Variants in EVC2 observed in about 807,000 individuals in gnomAD.
EVC2 encodes the protein limbin.
Under a neutral mutation model 149.3 loss-of-function variants are expected in EVC2, and 148 were observed. That is an observed-to-expected ratio of 0.99 (90% CI 0.87 to 1.14). EVC2 has a LOEUF of 1.14. Ranked by LOEUF, EVC2 falls within the 50% of genes most tolerant of loss-of-function variation. EVC2 has a pLI of 0.00. For missense variants in EVC2, 1,854 were observed against 1,627.3 expected (o/e 1.14, Z -2.40); for synonymous variants, 776 against 649.9 (o/e 1.19, Z -2.95).
At chr4:5,544,427 T>A (rs1373652721) in intron 21 of EVC2, among the ~76,000 whole-genome samples, 1 of 152,170 alleles carries the variant, frequency 6.6e-6, no homozygotes, top group Non-Finnish European at 1.5e-5. Flanking sequence ...CCCACACACA[T>A]GCACGCACAC....
intron 9 of EVC2, among the ~76,000 whole-genome samples, chr4:5,661,840 A>G (rs1279142796): frequency 6.6e-6 from 1 of 152,252 alleles, no homozygotes; most frequent in Non-Finnish European, 1.5e-5. Context: ...GCCCTTGGGC[A>G]AGTTACTTAA....
chr4:5,547,654 G>A (rs1475827931), intron 21 of EVC2, among the ~76,000 whole-genome samples: 1 of 152,190 alleles, frequency 6.6e-6, no homozygotes, highest in East Asian at 1.9e-4. Flanking sequence ...GGCCTCCTCT[G>A]AGCTACTGTG....
At chr4:5,606,626 C>T (rs1714410686) in intron 16 of EVC2, among the ~76,000 whole-genome samples, 1 of 152,006 alleles carries the variant, frequency 6.6e-6, no homozygotes, top group African/African-American at 2.4e-5. Flanking sequence ...TCTAAAATTA[C>T]CAAGCATGCA....
intron 9 of EVC2, among the ~76,000 whole-genome samples, chr4:5,654,583 C>T (rs1439998046): frequency 1.3e-5 from 2 of 152,182 alleles, no homozygotes; most frequent in Non-Finnish European, 2.9e-5. Flanking sequence ...GGCCAGCAGC[C>T]CAGGGGCATC....
At chr4:5,706,930 C>T (rs1560244409) in intron 1 of EVC2, among the ~76,000 whole-genome samples, 1 of 152,156 alleles carries the variant, frequency 6.6e-6, no homozygotes, top group Non-Finnish European at 1.5e-5. Context: ...GGCTTCAGGC[C>T]CTTCCCAGTA....
At chr4:5,619,664 C>T (rs956339724) in intron 14 of EVC2, among the ~76,000 whole-genome samples, 9 of 152,170 alleles carry the variant, frequency 5.9e-5, no homozygotes, top group African/African-American at 2.2e-4. Flanking sequence ...TACATCATTG[C>T]TGTTCCTTAC....
chr4:5,562,954 A>G lies in EVC2; in HGVS notation c.3821T>C (p.Ile1274Thr), dbSNP rs1459933769. 6.2e-7 allele frequency: 1 copy of G among 1,614,116 alleles called. No homozygotes were observed. ...CTCTGGCTCCTTTGGATTTCTGAATATAAAGAGCTTCTCTCCTGTGTTTAA... is the reference window on the plus strand; with the variant it reads ...CTCTGGCTCCTTTGGATTTCTGAATGTAAAGAGCTTCTCTCCTGTGTTTAA... ...DLLNTGEKLF[I>T]FRNPKEPEIS... is the part of the protein sequence containing the mutation. The change falls in exon 22 of 22, where the codon ATA becomes ACA. Residue 1274 changes from isoleucine to threonine, a missense_variant. By Grantham distance (89) the Ile-to-Thr change is moderately conservative. Transcript: ENST00000344408. The surrounding 1 kb of genome is among the most constrained non-coding windows in gnomAD (Gnocchi z 4.3).
At chr4:5,664,063 G>T (rs1719094257) in intron 8 of EVC2, among the ~76,000 whole-genome samples, 2 of 152,206 alleles carry the variant, frequency 1.3e-5, no homozygotes, top group African/African-American at 4.8e-5. Flanking sequence ...CATAGCTATA[G>T]CTAACCTTTA....
chr4:5,639,222 T>C (rs6812573), intron 10 of EVC2, among the ~76,000 whole-genome samples: 10,762 of 152,160 alleles, frequency 0.071, 1,017 homozygotes, highest in African/African-American at 0.22. Flanking sequence ...GGAAGCCGAG[T>C]TCAGAAGCTT....
chr4:5,530,873 T>C, the EVC2 span, among the ~76,000 whole-genome samples: 309 of 152,336 alleles, frequency 2.0e-3, 13 homozygotes, highest in East Asian at 0.051. Context: ...TAGTATCATC[T>C]AACAGGTGCT....
At chr4:5,536,201 A>G in the EVC2 span, among the ~76,000 whole-genome samples, 3 of 152,178 alleles carry the variant, frequency 2.0e-5, no homozygotes, top group African/African-American at 7.2e-5. Flanking sequence ...AAATATATTT[A>G]TAAGATACTA....
At position 5,708,158 on chromosome 4, in the gene EVC2, C is replaced by T. The variant is rs564630310; in HGVS notation, c.228+128G>A. On this transcript the variant is annotated intron_variant, in intron 1 of 21. Coordinates refer to ENST00000344408, the MANE Select transcript of EVC2 (RefSeq NM_147127.5). Reference sequence around the variant, plus strand: ...GGATACACCTAAGGGCCGCGAAGCACCCTATTCAGATCCTGCCCTCCCTTC... The same window carrying T: ...GGATACACCTAAGGGCCGCGAAGCATCCTATTCAGATCCTGCCCTCCCTTC... 2.7e-5 allele frequency: 22 copies of T among 816,386 alleles called. No homozygotes were observed. In the South Asian group the frequency reaches 3.7e-4, roughly 14 times the overall value. The allele number at this position is 816,386 out of a possible 1,614,324, so 50.6% of individuals were successfully genotyped here. A position where few individuals can be genotyped will look rare whatever the true frequency, so the allele number is the denominator to read the frequency against.
chr4:5,590,079 G>A (rs929501747), intron 16 of EVC2, among the ~76,000 whole-genome samples: 1 of 152,118 alleles, frequency 6.6e-6, no homozygotes, highest in African/African-American at 2.4e-5. Flanking sequence ...ATGACCAGAG[G>A]CACTGAGGCA....
chr4:5,548,034 C>T (rs1369792682), intron 21 of EVC2, among the ~76,000 whole-genome samples: 1 of 152,112 alleles, frequency 6.6e-6, no homozygotes. Context: ...CCCACGCCGG[C>T]ACCTGGAGCT....
At chr4:5,603,020 A>G (rs976562864) in intron 16 of EVC2, among the ~76,000 whole-genome samples, 1 of 152,180 alleles carries the variant, frequency 6.6e-6, no homozygotes, top group African/African-American at 2.4e-5. Context: ...GAATTATTTG[A>G]CTGTTTAAAA....
chr4:5,582,804 C>T (rs931758935), intron 17 of EVC2, among the ~76,000 whole-genome samples: 12 of 152,122 alleles, frequency 7.9e-5, no homozygotes, highest in African/African-American at 2.2e-4. Flanking sequence ...ACGATCCCTT[C>T]GGTGCTGTTC....
At chr4:5,583,115 TCA>T (rs1380338459) in intron 17 of EVC2, among the ~76,000 whole-genome samples, 8 of 138,396 alleles carry the variant, frequency 5.8e-5, no homozygotes, top group Non-Finnish European at 1.0e-4. Flanking sequence ...ACTAAAATGA[TCA>T]CATGAGTCAC....
chr4:5,699,111 A>T (rs1721667023), intron 1 of EVC2, among the ~76,000 whole-genome samples: 1 of 152,170 alleles, frequency 6.6e-6, no homozygotes, highest in South Asian at 2.1e-4. Flanking sequence ...GGTGTGGAGG[A>T]GGCCCACCCA....
chr4:5,534,366 G>A, the EVC2 span, among the ~76,000 whole-genome samples: 2 of 152,216 alleles, frequency 1.3e-5, no homozygotes, highest in South Asian at 2.1e-4. Flanking sequence ...TGAGTGGATG[G>A]ATGGGTGGAT....
Sources: gnomAD v4.1 joint callset for allele counts (sites outside exome capture counted in the v4.1 genomes callset) on GRCh38, gnomAD v4.1.1 for gene constraint, Gnocchi (gnomAD v3.1) non-coding constraint, MANE v1.5 for transcripts, NCBI Gene and HGNC (gene_info 2026-07-23, HGNC 2026-07-21) for gene names.